The following DAPK1 variants were observed in gnomAD, a reference collection of about 807,000 sequenced individuals.
The protein encoded by DAPK1 is death associated protein kinase 1, also known as death-associated protein kinase 1.
Under a neutral mutation model 144.9 loss-of-function variants are expected in DAPK1, and 56 were observed. The observed-to-expected ratio is 0.39, with a 90% CI of 0.31 to 0.48. The LOEUF (loss-of-function observed/expected upper bound fraction) is 0.48. Ranked by LOEUF, DAPK1 falls within the 20% of genes least tolerant of loss-of-function variation. The pLI is 0.95. For missense variants in DAPK1, 1,454 were observed against 1,875.4 expected (o/e 0.78, Z 4.15); for synonymous variants, 690 against 749.0 (o/e 0.92, Z 1.29).
intron 17 of DAPK1, among the ~76,000 whole-genome samples, chr9:87,654,529 A>G (rs1003367398): frequency 2.0e-5 from 3 of 152,254 alleles, no homozygotes; most frequent in Non-Finnish European, 2.9e-5. Context: ...GTGGAAGGGC[A>G]GTATCCCAGG....
chr9:87,515,708 G>A (rs1825024848), intron 2 of DAPK1, among the ~76,000 whole-genome samples: 1 of 152,186 alleles, frequency 6.6e-6, no homozygotes, highest in African/African-American at 2.4e-5. Flanking sequence ...AGGAAATTGA[G>A]CTGATAGCCT....
intron 2 of DAPK1, among the ~76,000 whole-genome samples, chr9:87,505,222 C>T (rs886733552): frequency 1.3e-5 from 2 of 152,194 alleles, no homozygotes; most frequent in African/African-American, 4.8e-5. Flanking sequence ...AGCCAACTGC[C>T]ATGAGTACCT....
chr9:87,572,202 A>T (rs928770302), intron 2 of DAPK1, among the ~76,000 whole-genome samples: 13 of 152,196 alleles, frequency 8.5e-5, no homozygotes, highest in African/African-American at 2.9e-4. Context: ...AACATATCAC[A>T]CTGCCCCATG....
chr9:87,553,066 C>T (rs1826557835), intron 2 of DAPK1, among the ~76,000 whole-genome samples: 1 of 152,192 alleles, frequency 6.6e-6, no homozygotes, highest in African/African-American at 2.4e-5. Context: ...CTCCTAGCCC[C>T]TGGCAATTAC....
intron 21 of DAPK1, among the ~76,000 whole-genome samples, chr9:87,687,739 A>G (rs1824914325): frequency 6.6e-6 from 1 of 152,114 alleles, no homozygotes; most frequent in South Asian, 2.1e-4. Flanking sequence ...TAATAACTGT[A>G]CTAATTTATA....
intron 2 of DAPK1, among the ~76,000 whole-genome samples, chr9:87,548,707 G>A (rs573098679): frequency 6.6e-6 from 1 of 152,174 alleles, no homozygotes; most frequent in Non-Finnish European, 1.5e-5. Flanking sequence ...CTGCTGTCTT[G>A]GGAACACAGT....
intron 2 of DAPK1, among the ~76,000 whole-genome samples, chr9:87,555,697 T>G (rs978083732): frequency 4.6e-5 from 7 of 152,286 alleles, no homozygotes; most frequent in South Asian, 4.1e-4. Context: ...GAGACAGGGT[T>G]TCTCCATGTT....
At chr9:87,589,393 A>G (rs1198617061) in intron 2 of DAPK1, among the ~76,000 whole-genome samples, 1 of 152,114 alleles carries the variant, frequency 6.6e-6, no homozygotes, top group Non-Finnish European at 1.5e-5. Context: ...CTTGACTGTC[A>G]TGCATATAAT....
intron 2 of DAPK1, chr9:87,499,349 G>C (rs1564111349): frequency 1.7e-6 from 1 of 576,842 alleles, no homozygotes; most frequent in East Asian, 2.8e-5. Context: ...TTCAGGGCTA[G>C]ATTATGATGC....
At chr9:87,516,647 A>T (rs1351524316) in intron 2 of DAPK1, among the ~76,000 whole-genome samples, 1 of 150,818 alleles carries the variant, frequency 6.6e-6, no homozygotes, top group Non-Finnish European at 1.5e-5. Flanking sequence ...AGCAGGCTGG[A>T]TGGTTTAGCA....
At chr9:87,618,775 G>A (rs536609040) in intron 3 of DAPK1, among the ~76,000 whole-genome samples, 1 of 152,256 alleles carries the variant, frequency 6.6e-6, no homozygotes, top group Admixed American at 6.5e-5. Flanking sequence ...AAAGTAGGGT[G>A]GCTACTCATG....
At chr9:87,657,086 C>T (rs915821626) in intron 17 of DAPK1, among the ~76,000 whole-genome samples, 1 of 152,040 alleles carries the variant, frequency 6.6e-6, no homozygotes, top group African/African-American at 2.4e-5. Context: ...TCACAACATC[C>T]TCAGGGTTTC....
chr9:87,686,550 G>A lies in DAPK1; in HGVS notation c.2225-1G>A. 1 of 1,535,342 alleles carries A rather than the reference G, an allele frequency of 6.5e-7. No individual in the cohort carries two copies. The highest frequency in any genetic ancestry group is 8.9e-7 in the Non-Finnish European group (1 of 1,128,212). On this transcript the variant is annotated splice_acceptor_variant, in intron 20 of 25. Coordinates refer to ENST00000408954, the MANE Select transcript of DAPK1 (RefSeq NM_004938.4). LOFTEE classifies it high-confidence loss of function. The surrounding 1 kb of genome is among the most constrained non-coding windows in gnomAD (Gnocchi z 4.2). ...CTCATGTGATCCTTTCCATCCTGCA[G>A]TCTCAGTGAGCATCAACAACCTGTA...
chr9:87,663,645 C>T (rs1830942077), intron 18 of DAPK1, among the ~76,000 whole-genome samples: 1 of 152,094 alleles, frequency 6.6e-6, no homozygotes, highest in Non-Finnish European at 1.5e-5. Context: ...CCCTCTCCAT[C>T]CCCCTGGCCC....
chr9:87,569,737 C>G (rs1013865507), intron 2 of DAPK1, among the ~76,000 whole-genome samples: 5 of 152,140 alleles, frequency 3.3e-5, no homozygotes, highest in African/African-American at 1.2e-4. Context: ...GAGAGGTCTT[C>G]CAGTCCATTA....
intron 25 of DAPK1, among the ~76,000 whole-genome samples, chr9:87,705,312 G>T (rs1448518343): frequency 6.7e-6 from 1 of 149,178 alleles, no homozygotes; most frequent in Non-Finnish European, 1.5e-5. Context: ...CACAATCTCG[G>T]CTCACTGCAG....
chr9:87,540,317 G>T (rs573353043), intron 2 of DAPK1, among the ~76,000 whole-genome samples: 2 of 150,772 alleles, frequency 1.3e-5, no homozygotes, highest in African/African-American at 2.4e-5. Context: ...AGCCCCCTGA[G>T]TAGCTGGGAT....
chr9:87,678,401 A>G (rs1824483916), intron 19 of DAPK1, among the ~76,000 whole-genome samples: 1 of 152,218 alleles, frequency 6.6e-6, no homozygotes, highest in South Asian at 2.1e-4. Flanking sequence ...AGGTCCCTGC[A>G]CTCACGCACA....
intron 2 of DAPK1, among the ~76,000 whole-genome samples, chr9:87,522,832 T>C (rs1194894982): frequency 6.6e-6 from 1 of 152,240 alleles, no homozygotes; most frequent in Non-Finnish European, 1.5e-5. Flanking sequence ...GTTTCATCAA[T>C]TTTTAAGTAT....
Sources: gnomAD v4.1 joint callset for allele counts (sites outside exome capture counted in the v4.1 genomes callset) on GRCh38, gnomAD v4.1.1 for gene constraint, Gnocchi (gnomAD v3.1) non-coding constraint, MANE v1.5 for transcripts, NCBI Gene and HGNC (gene_info 2026-07-23, HGNC 2026-07-21) for gene names.